EXOC6: variants seen among roughly 807,000 people sequenced by gnomAD.
EXOC6 encodes SEC15-like 1.
In EXOC6, 60 loss-of-function variants were observed where a neutral mutation model predicts 112.5. That is an observed-to-expected ratio of 0.53 (90% CI 0.43 to 0.66). EXOC6 has a LOEUF of 0.66. Among genes scored for constraint, EXOC6 ranks in the 30% least tolerant of loss-of-function variants. EXOC6 has a pLI of 0.00. For synonymous variants in EXOC6, 295 were observed against 308.0 expected, an observed-to-expected ratio of 0.96 and a Z score of 0.44; for missense variants, 855 against 957.1, an observed-to-expected ratio of 0.89 and a Z score of 1.41.
chr10:92,953,495 C>T (rs916332464), intron 15 of EXOC6, among the ~76,000 whole-genome samples: 1 of 152,214 alleles, frequency 6.6e-6, no homozygotes, highest in African/African-American at 2.4e-5. Flanking sequence ...CCACCACCTC[C>T]TCCCCACAAA....
chr10:92,981,262 A>G (rs1036004773), intron 18 of EXOC6, among the ~76,000 whole-genome samples: 27 of 152,202 alleles, frequency 1.8e-4, no homozygotes, highest in African/African-American at 6.5e-4. Flanking sequence ...GCTTGGACAT[A>G]TCTTGTTATT....
intron 1 of EXOC6, among the ~76,000 whole-genome samples, chr10:92,872,010 C>T (rs942201041): frequency 6.6e-6 from 1 of 151,864 alleles, no homozygotes; most frequent in South Asian, 2.1e-4. Context: ...TTTAGTAGTT[C>T]CATACATTTT....
At chr10:92,848,698 G>T in intron 1 of EXOC6, 64 bp downstream of exon 1, 1 of 1,196,710 alleles carries the variant, frequency 8.4e-7, no homozygotes, top group South Asian at 2.3e-5. Flanking sequence ...CTCACGAGCC[G>T]GGCGGGGCGT....
At chr10:92,999,823 C>T (rs1843670797) in intron 19 of EXOC6, among the ~76,000 whole-genome samples, 1 of 152,118 alleles carries the variant, frequency 6.6e-6, no homozygotes, top group South Asian at 2.1e-4. Flanking sequence ...CCGCCTCAGC[C>T]TCCTGAGTAG....
At chr10:92,843,324 C>T (rs975367950) in intron 1 of EXOC6, among the ~76,000 whole-genome samples, 1 of 152,100 alleles carries the variant, frequency 6.6e-6, no homozygotes, top group South Asian at 2.1e-4. Flanking sequence ...GCCCCTGCGA[C>T]GGTGGACATC....
intron 1 of EXOC6, among the ~76,000 whole-genome samples, chr10:92,827,390 C>A (rs1038409094): frequency 1.4e-5 from 2 of 138,234 alleles, no homozygotes; most frequent in Non-Finnish European, 3.0e-5. Context: ...GGGAGGATGG[C>A]TTGAGCCCAG....
intron 1 of EXOC6, among the ~76,000 whole-genome samples, chr10:92,873,098 C>A (rs888103621): frequency 2.0e-5 from 3 of 152,122 alleles, no homozygotes; most frequent in African/African-American, 7.2e-5. Flanking sequence ...AGGACAAATA[C>A]AATTAAATAT....
At chr10:92,950,975 G>C (rs1853371521) in intron 14 of EXOC6, among the ~76,000 whole-genome samples, 2 of 152,172 alleles carry the variant, frequency 1.3e-5, no homozygotes, top group Admixed American at 1.3e-4. Context: ...AGCAACAGGA[G>C]TTGCTGATTA....
intron 20 of EXOC6, among the ~76,000 whole-genome samples, chr10:93,053,337 T>G (rs967715371): frequency 5.3e-5 from 8 of 152,244 alleles, no homozygotes; most frequent in African/African-American, 1.9e-4. Flanking sequence ...GACCCAGGAA[T>G]AAAGTCCTGG....
At chr10:92,869,621 A>G (rs1285442213) in intron 1 of EXOC6, among the ~76,000 whole-genome samples, 1 of 152,038 alleles carries the variant, frequency 6.6e-6, no homozygotes, top group African/African-American at 2.4e-5. Context: ...GGGGCCTTAC[A>G]TTGTCATTTA....
intron 1 of EXOC6, among the ~76,000 whole-genome samples, chr10:92,835,146 A>T (rs113436734): frequency 6.6e-6 from 1 of 152,232 alleles, no homozygotes; most frequent in Non-Finnish European, 1.5e-5. Context: ...AGTGAAAAAC[A>T]TTCAGAACAA....
intron 1 of EXOC6, among the ~76,000 whole-genome samples, chr10:92,869,299 G>A (rs191969083): frequency 8.1e-4 from 120 of 148,838 alleles, no homozygotes; most frequent in African/African-American, 2.9e-3. Flanking sequence ...ACCATGGCAG[G>A]CCCTTTCTTT....
chr10:92,983,310 C>T (rs781408550), intron 18 of EXOC6, among the ~76,000 whole-genome samples: 1 of 152,094 alleles, frequency 6.6e-6, no homozygotes, highest in Non-Finnish European at 1.5e-5. Context: ...CCCATTTCCA[C>T]TCCCAGTCTT....
chr10:92,891,385 T>A (rs1306035478), intron 1 of EXOC6, among the ~76,000 whole-genome samples: 2 of 152,220 alleles, frequency 1.3e-5, no homozygotes, highest in Non-Finnish European at 2.9e-5. Context: ...TAGTTCTAAC[T>A]CAGCTCTTAC....
In EXOC6 at chr10:92,998,625, A is replaced by AC. The variant is rs1171804629; in HGVS notation, c.2095+1011dup. 5.7e-4 allele frequency among the ~76,000 whole-genome samples: 46 copies of AC among 80,456 alleles called. 2 individuals carry two copies. In the East Asian group the frequency reaches 0.017, roughly 30 times the overall value. The allele number at this position is 80,456 out of a possible 152,430, so 52.8% of individuals were successfully genotyped here. A position where few individuals can be genotyped will look rare whatever the true frequency, so the allele number is the denominator to read the frequency against. ...TTGGACAAGATCAATTGTCTGTTGC[A>AC]CACCACACACACACACACACACACA... On this transcript the variant is annotated intron_variant, in intron 19 of 21. Coordinates refer to ENST00000260762, the MANE Select transcript of EXOC6 (RefSeq NM_019053.6).
intron 19 of EXOC6, among the ~76,000 whole-genome samples, chr10:92,999,944 T>C (rs1324051059): frequency 6.6e-6 from 1 of 152,178 alleles, no homozygotes; most frequent in Non-Finnish European, 1.5e-5. Context: ...CCTCAGGTGA[T>C]CCACCTGCCT....
intron 19 of EXOC6, among the ~76,000 whole-genome samples, chr10:93,007,467 A>G (rs933239538): frequency 2.6e-5 from 4 of 152,074 alleles, no homozygotes; most frequent in Non-Finnish European, 4.4e-5. Context: ...CCTGGCCAAC[A>G]TGATGAAACC....
At chr10:92,899,913 T>G (rs1452889418) in intron 5 of EXOC6, 1 of 345,348 alleles carries the variant, frequency 2.9e-6, no homozygotes, top group African/African-American at 2.1e-5. Context: ...ATTGATTAGC[T>G]TACCAACATA....
chr10:92,959,072 G>A (rs780724305), intron 17 of EXOC6, among the ~76,000 whole-genome samples: 1 of 151,914 alleles, frequency 6.6e-6, no homozygotes, highest in African/African-American at 2.4e-5. Context: ...CCAGCCTGGC[G>A]GTAGAGTGAA....
Sources: gnomAD v4.1 joint callset for allele counts (sites outside exome capture counted in the v4.1 genomes callset) on GRCh38, gnomAD v4.1.1 for gene constraint, MANE v1.5 for transcripts, NCBI Gene and HGNC (gene_info 2026-07-23, HGNC 2026-07-21) for gene names.